Variants in SSUH2 observed in about 807,000 individuals in gnomAD.
The protein encoded by SSUH2 is ssu-2 homolog.
A neutral mutation model predicts 55.3 loss-of-function variants in SSUH2; 47 were observed. The observed-to-expected ratio is 0.85, with a 90% confidence interval of 0.67 to 1.08. The LOEUF is 1.08. Ranked by LOEUF, SSUH2 falls within the 50% of genes least tolerant of loss-of-function variation. The pLI is 0.00. For missense variants in SSUH2, 535 were observed against 490.7 expected (o/e 1.09, Z -0.85); for synonymous variants, 212 against 191.5 (o/e 1.11, Z -0.89).
At chr3:8,660,003 G>C (rs760358) in intron 6 of SSUH2, among the ~76,000 whole-genome samples, 51,057 of 152,048 alleles carry the variant, frequency 0.34, 9,489 homozygotes, top group East Asian at 0.6. Context: ...TCTAGGGTTT[G>C]ACCTAACGTT....
chr3:8,626,467 T>C, intron 8 of SSUH2, 146 bp from the exon 9 acceptor site: 1 of 622,182 alleles, frequency 1.6e-6, no homozygotes, highest in South Asian at 2.0e-5. Flanking sequence ...GTCCTCCTTC[T>C]GCTGGCAGTG....
chr3:8,626,595 A>C (rs1697613250), intron 8 of SSUH2, among the ~76,000 whole-genome samples: 1 of 137,162 alleles, frequency 7.3e-6, no homozygotes. Context: ...GGGACTGGCC[A>C]ATCATCTTAT....
chr3:8,655,774 C>A (rs759484669), intron 7 of SSUH2, among the ~76,000 whole-genome samples: 6 of 152,186 alleles, frequency 3.9e-5, no homozygotes, highest in Middle Eastern at 3.2e-3. Context: ...GATAACACAG[C>A]CCCTCGCTCT....
rs1268173099 is a variant in SSUH2, at chr3:8,643,619, T to G, written c.28+1112A>C. 2.0e-5 allele frequency among the ~76,000 whole-genome samples: 3 copies of G among 152,166 alleles called. No homozygotes were observed. In the East Asian group the frequency reaches 5.8e-4, roughly 29 times the overall value. On this transcript the variant is annotated intron_variant, in intron 1 of 11. Coordinates refer to ENST00000544814, the MANE Select transcript of SSUH2 (RefSeq NM_001256748.3). ...AGTATAGGTTAATTTCATATTCTGC[T>G]TCAGGTCTAAAACTTAAAGCTTTAA...
chr3:8,659,784 T>C (rs1350338872), intron 6 of SSUH2: 1 of 456,366 alleles, frequency 2.2e-6, no homozygotes, highest in Non-Finnish European at 4.4e-6. Context: ...GTAAGAGATA[T>C]GGAGATTCAT....
Position 8,625,657 on chromosome 3 carries a change from A to G in SSUH2, c.768-10T>C. ...AAACAAGCTGTTCTTCCTGGAGGGA[A>G]GGAGGATGAGGGATGAAAGCACACA... On this transcript the variant is annotated splice_polypyrimidine_tract_variant and intron_variant, in intron 9 of 11. Transcript: ENST00000544814. The G allele has an allele frequency of 6.3e-7, 1 of 1,587,254 alleles. No individual in the cohort carries two copies. The highest frequency in any genetic ancestry group is 1.1e-5 in the South Asian group (1 of 90,480).
Position 8,656,896 on chromosome 3 carries a change from A to T in SSUH2, c.-307+2029T>A, listed in dbSNP as rs191605108. Among the ~76,000 whole-genome samples, 420 of 135,850 alleles carry T rather than the reference A, an allele frequency of 3.1e-3. 1 individual carries two copies. Among genetic ancestry groups the T allele is most frequent in the African/African-American group, 0.011 (392 of 36,966 alleles). 89.1% of individuals were successfully genotyped at this position (135,850 alleles called of 152,430 possible). A position where few individuals can be genotyped will look rare whatever the true frequency, so the allele number is the denominator to read the frequency against. ...GTTTGTTTGTTTGTTTGTTTGTTTG[A>T]GACAGAGTCTCACTTACTCTGTCAC... On this transcript the variant is annotated intron_variant, in intron 7 of 18. Transcript: ENST00000317371.
chr3:8,645,395 C>T (rs987390115), upstream of SSUH2, among the ~76,000 whole-genome samples: 3 of 152,202 alleles, frequency 2.0e-5, no homozygotes, highest in Non-Finnish European at 2.9e-5. Context: ...ACTGTCGCCA[C>T]ACCAGCCTCG....
intron 11 of SSUH2, among the ~76,000 whole-genome samples, chr3:8,623,116 G>A (rs1216501157): frequency 1.3e-5 from 2 of 152,200 alleles, no homozygotes; most frequent in African/African-American, 2.4e-5. Context: ...AGGATACAGC[G>A]GCCAAAACCA....
intron 4 of SSUH2, among the ~76,000 whole-genome samples, chr3:8,633,142 C>CTT (rs139752594): frequency 2.5e-4 from 30 of 119,896 alleles, no homozygotes; most frequent in African/African-American, 8.1e-4. Context: ...TTGATGACGC[C>CTT]TTTTTTTTTT....
chr3:8,658,235 T>A (rs1703129005), intron 7 of SSUH2, among the ~76,000 whole-genome samples: 1 of 152,208 alleles, frequency 6.6e-6, no homozygotes, highest in Non-Finnish European at 1.5e-5. Context: ...AGAATCTCAG[T>A]AAGTGGAAGG....
In SSUH2 at chr3:8,629,675, C is replaced by G; in HGVS notation, c.577G>C (p.Gly193Arg). 2 of 1,126,460 alleles carry G rather than the reference C, an allele frequency of 1.8e-6. No homozygotes were observed. The highest frequency in any genetic ancestry group is 2.5e-6 in the Non-Finnish European group (2 of 786,484). The allele number at this position is 1,126,460 out of a possible 1,614,324, so 69.8% of individuals were successfully genotyped here. The part of the protein sequence containing the change: ...RGRYKCSGCH[G>R]AGTVRCPSCC... ...CACAGATGACTCACCGTGCCCGCCC[C>G]GTGGCAGCCGCTGCACTTGTACCGC... Residue 193 changes from glycine to arginine, a missense_variant, in exon 7 of 12, where the codon GGG (glycine) becomes CGG (arginine). Transcript: ENST00000544814.
At chr3:8,680,993 C>T (rs534367626) in intron 1 of SSUH2, among the ~76,000 whole-genome samples, 1 of 151,570 alleles carries the variant, frequency 6.6e-6, no homozygotes, top group South Asian at 2.1e-4. Flanking sequence ...GCTCTTAGGA[C>T]CCCCATCGCA....
intron 5 of SSUH2, 104 bp from the exon 6 acceptor site, chr3:8,631,033 G>T: frequency 8.3e-7 from 1 of 1,202,540 alleles, no homozygotes; most frequent in Non-Finnish European, 1.1e-6. Flanking sequence ...CCAGGCATGA[G>T]TCTAGATCCT....
Position 8,661,891 on chromosome 3 carries a change from T to A in SSUH2, c.-396+1853A>T, listed in dbSNP as rs139034224. On this transcript the variant is annotated intron_variant, in intron 6 of 18. Transcript: ENST00000317371. ...AGATAATTGAATCATGGGGATGGTT[T>A]CCCCTCATATTTTTCTTGTGGTAGT... Among the ~76,000 whole-genome samples, 619 of 152,268 alleles carry A rather than the reference T, an allele frequency of 4.1e-3. 4 individuals are homozygous for A. Among genetic ancestry groups the A allele is most frequent in the South Asian group, 0.021 (100 of 4,812 alleles).
chr3:8,636,975 G>A (rs761372788), intron 1 of SSUH2, among the ~76,000 whole-genome samples: 2 of 152,182 alleles, frequency 1.3e-5, no homozygotes, highest in East Asian at 1.9e-4. Flanking sequence ...TTCTTTCCAA[G>A]TACAGACAGT....
intron 10 of SSUH2, among the ~76,000 whole-genome samples, chr3:8,623,928 G>A (rs1033781785): frequency 6.6e-6 from 1 of 152,220 alleles, no homozygotes; most frequent in African/African-American, 2.4e-5. Flanking sequence ...CAGTGACCAT[G>A]GCTGGTGTGG....
chr3:8,633,628 C>T (rs1449939830), intron 4 of SSUH2, 38 bp downstream of exon 4: 4 of 1,477,840 alleles, frequency 2.7e-6, no homozygotes, highest in Non-Finnish European at 9.0e-7. Flanking sequence ...GCTCCCCAGC[C>T]CCCCGGCCAA....
intron 3 of SSUH2, among the ~76,000 whole-genome samples, chr3:8,675,077 G>T (rs1180551733): frequency 6.6e-6 from 1 of 152,110 alleles, no homozygotes; most frequent in African/African-American, 2.4e-5. Context: ...AAGGACTACC[G>T]GCCAGTACAG....
Sources: allele counts gnomAD v4.1 joint callset (sites outside exome capture counted in the v4.1 genomes callset), GRCh38; gene constraint gnomAD v4.1.1; transcripts MANE v1.5; gene names NCBI Gene and HGNC (gene_info 2026-07-23, HGNC 2026-07-21).